Variants in SLIT1 observed in about 807,000 individuals in gnomAD.
SLIT1 encodes the protein slit homolog 1 protein.
A neutral mutation model predicts 186.1 loss-of-function variants in SLIT1; 66 were observed. The observed-to-expected ratio is 0.35, with a 90% CI of 0.29 to 0.44. SLIT1 has a LOEUF of 0.44. Among genes scored for constraint, SLIT1 ranks in the 20% least tolerant of loss-of-function variants. The pLI, the probability that SLIT1 is intolerant of heterozygous loss-of-function variation, is 1.00. For missense variants in SLIT1, 1,638 were observed against 2,037.4 expected, an observed-to-expected ratio of 0.80 and a Z score of 3.77; for synonymous variants, 761 against 833.8, an observed-to-expected ratio of 0.91 and a Z score of 1.50.
At chr10:97,059,981 C>T in intron 10 of SLIT1, 106 bp downstream of exon 10, 2 of 997,808 alleles carry the variant, frequency 2.0e-6, no homozygotes, top group South Asian at 1.3e-5. Context: ...GCCAAGGCCA[C>T]TCAGCTGTGG....
intron 1 of SLIT1, among the ~76,000 whole-genome samples, chr10:97,169,953 C>G (rs909022227): frequency 2.0e-5 from 3 of 152,248 alleles, no homozygotes; most frequent in African/African-American, 7.2e-5. Context: ...TCCTACGTCA[C>G]AAGTCCTCAT....
intron 11 of SLIT1, 150 bp downstream of exon 11, chr10:97,059,310 G>A (rs538556966): frequency 3.2e-5 from 21 of 661,734 alleles, no homozygotes; most frequent in Non-Finnish European, 5.4e-5. Context: ...TGCAGCCAAA[G>A]GATGACCCAC....
At chr10:97,007,121 G>T (rs1441743106) in intron 31 of SLIT1, among the ~76,000 whole-genome samples, 1 of 152,128 alleles carries the variant, frequency 6.6e-6, no homozygotes, top group Non-Finnish European at 1.5e-5. Context: ...AGAAATAAAA[G>T]AAGGGACATT....
At chr10:97,099,850 C>T (rs1308433802) in intron 4 of SLIT1, among the ~76,000 whole-genome samples, 3 of 152,180 alleles carry the variant, frequency 2.0e-5, no homozygotes, top group Non-Finnish European at 4.4e-5. Flanking sequence ...AGGAGAGAAG[C>T]CAGCCCAGGG....
At chr10:97,113,575 G>A (rs1333900798) in intron 4 of SLIT1, among the ~76,000 whole-genome samples, 5 of 147,564 alleles carry the variant, frequency 3.4e-5, no homozygotes, top group African/African-American at 5.0e-5. Context: ...TTTTTTTGAC[G>A]GAGTTTTGCT....
intron 28 of SLIT1, among the ~76,000 whole-genome samples, chr10:97,015,834 A>C (rs1848450437): frequency 6.6e-6 from 1 of 152,202 alleles, no homozygotes; most frequent in African/African-American, 2.4e-5. Context: ...ACGTGTACCC[A>C]TGTTGGGGAC....
At chr10:97,163,840 G>A (rs909087353) in intron 2 of SLIT1, among the ~76,000 whole-genome samples, 4 of 152,262 alleles carry the variant, frequency 2.6e-5, no homozygotes, top group Admixed American at 6.5e-5. Context: ...AGCTGCTGGC[G>A]CACGTGCCCT....
At chr10:97,058,681 C>T (rs868803852) in intron 11 of SLIT1, among the ~76,000 whole-genome samples, 9 of 152,338 alleles carry the variant, frequency 5.9e-5, no homozygotes, top group Middle Eastern at 3.4e-3. Flanking sequence ...AGTTCTATTC[C>T]GTTGTACTTG....
rs369230670 is a variant in SLIT1 at position 97,055,870 on chromosome 10, T to C, written c.1301+451A>G. Among the ~76,000 whole-genome samples the C allele has an allele frequency of 2.8e-4, 42 of 152,348 alleles. 1 individual carries two copies. Among genetic ancestry groups the C allele is most frequent in the African/African-American group, 9.6e-4 (40 of 41,588 alleles). On this transcript the variant is annotated intron_variant, in intron 13 of 36. Coordinates refer to ENST00000266058, the MANE Select transcript of SLIT1 (RefSeq NM_003061.3). ...GAACAAAATGCTGCCAACTAAGTGA[T>C]GTACCACTGATTATAACATGCATCC...
At chr10:97,082,328 T>C (rs992160404) in intron 4 of SLIT1, among the ~76,000 whole-genome samples, 6 of 152,398 alleles carry the variant, frequency 3.9e-5, no homozygotes, top group African/African-American at 1.4e-4. Flanking sequence ...GTGATGATAG[T>C]GGTGGTGGCA....
Position 97,010,481 on chromosome 10 carries a change from T to C in SLIT1, c.3341+512A>G, listed in dbSNP as rs1360317945. Among the ~76,000 whole-genome samples, 1 of 152,250 alleles carries C rather than the reference T, an allele frequency of 6.6e-6. No homozygotes were observed. The highest frequency in any genetic ancestry group is 1.5e-5 in the Non-Finnish European group (1 of 68,046). On this transcript the variant is annotated intron_variant, in intron 31 of 36. Transcript: ENST00000266058. The surrounding 1 kb of genome is among the most constrained non-coding windows in gnomAD (Gnocchi z 4.8). ...GGAAATCAACATGTTCAAAATTGGTTGTGGTGATGGATACACAACTCTGGG... is the reference window on the plus strand; with the variant it reads ...GGAAATCAACATGTTCAAAATTGGTCGTGGTGATGGATACACAACTCTGGG...
chr10:97,024,022 G>A (rs751162810), intron 25 of SLIT1, among the ~76,000 whole-genome samples: 1 of 152,172 alleles, frequency 6.6e-6, no homozygotes, highest in Non-Finnish European at 1.5e-5. Flanking sequence ...GTGGGCCAGA[G>A]TTCTCTGACT....
chr10:97,166,610 AG>A (rs1284102572), intron 1 of SLIT1, among the ~76,000 whole-genome samples: 1 of 70,674 alleles, frequency 1.4e-5, no homozygotes, highest in Non-Finnish European at 3.0e-5. Flanking sequence ...AAAGAAAGAA[AG>A]AAAGAAAGAA....
chr10:97,073,249 C>T (rs1849016599), intron 4 of SLIT1, among the ~76,000 whole-genome samples: 2 of 152,182 alleles, frequency 1.3e-5, no homozygotes, highest in African/African-American at 4.8e-5. Context: ...TAAGCCTTTC[C>T]CCATCAGTTT....
chr10:97,122,121 G>A (rs1453461485), intron 4 of SLIT1, among the ~76,000 whole-genome samples: 1 of 152,154 alleles, frequency 6.6e-6, no homozygotes, highest in African/African-American at 2.4e-5. Context: ...TGAGGACAGA[G>A]CCAACTACAT....
chr10:97,058,599 T>C (rs956646395), intron 11 of SLIT1, among the ~76,000 whole-genome samples: 2 of 152,164 alleles, frequency 1.3e-5, no homozygotes, highest in African/African-American at 4.8e-5. Context: ...ACCCTCTACT[T>C]GGACTCTGCT....
chr10:97,026,335 G>A (rs141646155), intron 25 of SLIT1, among the ~76,000 whole-genome samples: 70 of 152,194 alleles, frequency 4.6e-4, no homozygotes, highest in Non-Finnish European at 7.6e-4. Context: ...ATAGTGGCAG[G>A]TGCCTATAAT....
At chr10:97,112,902 C>G (rs771213083) in intron 4 of SLIT1, among the ~76,000 whole-genome samples, 4 of 152,092 alleles carry the variant, frequency 2.6e-5, no homozygotes, top group Non-Finnish European at 5.9e-5. Flanking sequence ...CCATGTTGCT[C>G]AGGCTGGTTT....
chr10:97,122,181 A>T (rs1281995468), intron 4 of SLIT1, among the ~76,000 whole-genome samples: 1 of 152,226 alleles, frequency 6.6e-6, no homozygotes, highest in East Asian at 1.9e-4. Context: ...AACATGGAAG[A>T]TGGGGTCTCC....
Sources: gnomAD v4.1 joint callset for allele counts (sites outside exome capture counted in the v4.1 genomes callset) on GRCh38, gnomAD v4.1.1 for gene constraint, Gnocchi (gnomAD v3.1) non-coding constraint, MANE v1.5 for transcripts, NCBI Gene and HGNC (gene_info 2026-07-23, HGNC 2026-07-21) for gene names.